SH3PXD2A: variants seen among roughly 807,000 people sequenced by gnomAD.
The protein encoded by SH3PXD2A is SH3 and PX domain-containing protein 2A.
SH3PXD2A carries 32 observed loss-of-function variants against 115.2 expected under a neutral mutation model. That is an observed-to-expected ratio of 0.28 (90% CI 0.21 to 0.37). SH3PXD2A has a LOEUF of 0.37. SH3PXD2A is among the 10% of genes least tolerant of loss of function. SH3PXD2A has a pLI of 1.00. For synonymous variants in SH3PXD2A, 610 were observed against 629.1 expected, an observed-to-expected ratio of 0.97 and a Z score of 0.45; for missense variants, 1,328 against 1,498.7, an observed-to-expected ratio of 0.89 and a Z score of 1.88.
At chr10:103,777,475 C>CG in intron 2 of SH3PXD2A, among the ~76,000 whole-genome samples, 1 of 152,254 alleles carries the variant, frequency 6.6e-6, no homozygotes, top group East Asian at 1.9e-4. Context: ...GCTTTCCCAG[C>CG]AGCTCATTCC....
intron 6 of SH3PXD2A, among the ~76,000 whole-genome samples, chr10:103,669,025 G>A (rs923487400): frequency 2.6e-5 from 4 of 152,206 alleles, no homozygotes; most frequent in African/African-American, 9.6e-5. Flanking sequence ...TGGGTCCCAC[G>A]GGGCCTGATG....
intron 3 of SH3PXD2A, among the ~76,000 whole-genome samples, chr10:103,742,999 A>G (rs765852172): frequency 1.3e-5 from 2 of 152,142 alleles, no homozygotes; most frequent in African/African-American, 4.8e-5. Context: ...GACACAGGCA[A>G]TGCATGTGGG....
chr10:103,854,980 G>A (rs921627531), intron 1 of SH3PXD2A, among the ~76,000 whole-genome samples: 4 of 152,076 alleles, frequency 2.6e-5, no homozygotes, highest in African/African-American at 4.8e-5. Context: ...CAATTCCAAT[G>A]CCAAAAAAAG....
intron 2 of SH3PXD2A, among the ~76,000 whole-genome samples, chr10:103,793,506 G>A (rs1355519370): frequency 2.6e-5 from 4 of 152,188 alleles, no homozygotes; most frequent in Non-Finnish European, 5.9e-5. Flanking sequence ...TGGTCTTTTA[G>A]GCTGTTTCCC....
chr10:103,690,753 A>C (rs758726076), intron 6 of SH3PXD2A, among the ~76,000 whole-genome samples: 1 of 152,250 alleles, frequency 6.6e-6, no homozygotes, highest in Non-Finnish European at 1.5e-5. Flanking sequence ...AAACCATCAC[A>C]AAATGGGTAT....
chr10:103,699,121 G>A (rs73332698), intron 5 of SH3PXD2A, among the ~76,000 whole-genome samples: 1,835 of 152,238 alleles, frequency 0.012, 29 homozygotes, highest in African/African-American at 0.042. Context: ...GGGGTTGGGG[G>A]CAGGAGAGGG....
At chr10:103,655,681 G>A (rs996750704) in intron 8 of SH3PXD2A, among the ~76,000 whole-genome samples, 1 of 150,278 alleles carries the variant, frequency 6.7e-6, no homozygotes, top group Non-Finnish European at 1.5e-5. Flanking sequence ...GCTGACGCAG[G>A]AGAATCACTT....
rs1289112717 is a variant in SH3PXD2A at position 103,594,406 on chromosome 10, C to G, written c.*7410G>C. The G allele has an allele frequency of 6.6e-6, 1 of 152,562 alleles. No homozygotes were observed. Among genetic ancestry groups the G allele is most frequent in the Non-Finnish European group, 1.5e-5 (1 of 68,048 alleles). 9.5% of individuals were successfully genotyped at this position (152,562 alleles called of 1,614,324 possible). A position where few individuals can be genotyped will look rare whatever the true frequency, so the allele number is the denominator to read the frequency against. ...CTGCTGAGGAGGAAAGAAGGAAAAC[C>G]TGGAGGAAGGGCTCCTCCTGACCCC... On this transcript the variant is annotated 3_prime_UTR_variant, in exon 15 of 15. Coordinates refer to ENST00000369774, the MANE Select transcript of SH3PXD2A (RefSeq NM_001394015.1).
chr10:103,764,493 C>A (rs1282044180), intron 3 of SH3PXD2A, among the ~76,000 whole-genome samples: 1 of 152,184 alleles, frequency 6.6e-6, no homozygotes, highest in Non-Finnish European at 1.5e-5. Context: ...CTCCTGACAA[C>A]ATCACCCGCT....
intron 1 of SH3PXD2A, among the ~76,000 whole-genome samples, chr10:103,837,445 A>T (rs1223105664): frequency 6.6e-6 from 1 of 152,184 alleles, no homozygotes; most frequent in Non-Finnish European, 1.5e-5. Flanking sequence ...CCACCACTTG[A>T]GGGTGGGTTC....
chr10:103,690,723 C>CG (rs2037739927), intron 6 of SH3PXD2A, among the ~76,000 whole-genome samples: 1 of 152,192 alleles, frequency 6.6e-6, no homozygotes, highest in Non-Finnish European at 1.5e-5. Flanking sequence ...CACTGTGGCC[C>CG]AGCCAAGTTG....
intron 1 of SH3PXD2A, among the ~76,000 whole-genome samples, chr10:103,822,688 C>T (rs2039393413): frequency 6.6e-6 from 1 of 152,224 alleles, no homozygotes; most frequent in Non-Finnish European, 1.5e-5. Context: ...ATCTGAATAC[C>T]ACCACCAAGC....
intron 1 of SH3PXD2A, among the ~76,000 whole-genome samples, chr10:103,841,983 G>A (rs1249992697): frequency 6.6e-6 from 1 of 152,138 alleles, no homozygotes; most frequent in Non-Finnish European, 1.5e-5. Context: ...AAATTAGCTG[G>A]GTGTGGTGGC....
intron 8 of SH3PXD2A, among the ~76,000 whole-genome samples, chr10:103,638,765 C>T (rs1290109895): frequency 2.0e-5 from 3 of 152,224 alleles, no homozygotes; most frequent in Admixed American, 6.5e-5. Flanking sequence ...GAGCACAAGT[C>T]GCAAAGCGCT....
At position 103,855,567 on chromosome 10, in the gene SH3PXD2A, G is replaced by C. The variant is rs995972915; in HGVS notation, c.-301C>G. 4.3e-4 allele frequency: 64 copies of C among 150,576 alleles called. No homozygotes were observed. Among genetic ancestry groups the C allele is most frequent in the Non-Finnish European group, 7.7e-4 (52 of 67,396 alleles). 9.3% of individuals were successfully genotyped at this position (150,576 alleles called of 1,614,324 possible). On this transcript the variant is annotated 5_prime_UTR_variant, in exon 1 of 15. Transcript: ENST00000369774. ...GCTCTCTCCGCCGCCCGGTGGGTCCGGCGGGAACTGGCGGAGCAGAGGAGG... is the reference window on the plus strand; with the variant it reads ...GCTCTCTCCGCCGCCCGGTGGGTCCCGCGGGAACTGGCGGAGCAGAGGAGG...
Position 103,599,532 on chromosome 10 carries a change from T to C in SH3PXD2A, c.*2284A>G, listed in dbSNP as rs1313335554. The C allele has an allele frequency of 6.6e-6, 1 of 152,618 alleles. No individual in the cohort carries two copies. Among genetic ancestry groups the C allele is most frequent in the Non-Finnish European group, 1.5e-5 (1 of 68,046 alleles). The allele number at this position is 152,618 out of a possible 1,614,324, so 9.5% of individuals were successfully genotyped here. On this transcript the variant is annotated 3_prime_UTR_variant, in exon 15 of 15. Coordinates refer to ENST00000369774, the MANE Select transcript of SH3PXD2A (RefSeq NM_001394015.1). The stretch of plus-strand genomic sequence containing the variant: ...CCTGACAGTCACTCTACTTTTAAAT[T>C]TTATTTTAAATAGTCATAAATTACT...
intron 8 of SH3PXD2A, among the ~76,000 whole-genome samples, chr10:103,640,337 A>C (rs912523475): frequency 6.6e-6 from 1 of 151,564 alleles, no homozygotes; most frequent in Non-Finnish European, 1.5e-5. Context: ...AAAAAAAAAG[A>C]AAGAGCTAAG....
chr10:103,737,587 T>TG (rs1302234797), intron 3 of SH3PXD2A, among the ~76,000 whole-genome samples: 6 of 152,250 alleles, frequency 3.9e-5, no homozygotes, highest in African/African-American at 9.6e-5. Flanking sequence ...TCAATTCTGC[T>TG]GGGGGGCTCC....
intron 8 of SH3PXD2A, among the ~76,000 whole-genome samples, chr10:103,655,771 TAAAAAAAAAAAA>T (rs60526548): frequency 6.5e-5 from 3 of 46,188 alleles, no homozygotes; most frequent in Admixed American, 2.8e-4. Flanking sequence ...AGACCCTGTC[TAAAAAAAAAAAA>T]AAAAAAAAAA....
Sources: gnomAD v4.1 joint callset for allele counts (sites outside exome capture counted in the v4.1 genomes callset) on GRCh38, gnomAD v4.1.1 for gene constraint, MANE v1.5 for transcripts, NCBI Gene and HGNC (gene_info 2026-07-23, HGNC 2026-07-21) for gene names.